Variants in IDH2 observed in about 807,000 individuals in gnomAD.
IDH2 encodes the protein isocitrate dehydrogenase [NADP], mitochondrial.
In IDH2, 18 loss-of-function variants were observed where a neutral mutation model predicts 50.5. The observed-to-expected ratio is 0.36, with a 90% CI of 0.25 to 0.53. The LOEUF is 0.53. Ranked by LOEUF, IDH2 falls within the 20% of genes least tolerant of loss-of-function variation. The pLI, the probability that IDH2 is intolerant of heterozygous loss-of-function variation, is 0.92. For missense variants in IDH2, 518 were observed against 610.7 expected, an observed-to-expected ratio of 0.85 and a Z score of 1.60; for synonymous variants, 280 against 239.8, an observed-to-expected ratio of 1.17 and a Z score of -1.55.
At chr15:90,092,667 C>G (rs966122016) in intron 1 of IDH2, among the ~76,000 whole-genome samples, 1 of 152,090 alleles carries the variant, frequency 6.6e-6, no homozygotes, top group African/African-American at 2.4e-5. Context: ...ACCTCCGCCT[C>G]CCGAGTTCAA....
At chr15:90,094,859 G>A (rs753992488) in intron 1 of IDH2, among the ~76,000 whole-genome samples, 36 of 151,960 alleles carry the variant, frequency 2.4e-4, no homozygotes, top group Non-Finnish European at 4.1e-4. Context: ...CCAAGATCAC[G>A]GCACTGCACT....
chr15:90,084,913 G>GCT lies in IDH2; in HGVS notation c.1179-6_1179-5insAG, dbSNP rs777085298. 6.2e-7 allele frequency: 1 copy of GCT among 1,613,846 alleles called. No homozygotes were observed. ...TTCTCCAGCATCTGGGCAAACCTATGGGGATGGGGCAGAATGAGACCCCAT... is the reference window on the plus strand; with the variant it reads ...TTCTCCAGCATCTGGGCAAACCTATGCTGGGATGGGGCAGAATGAGACCCCAT... On this transcript the variant is annotated splice_polypyrimidine_tract_variant and splice_region_variant and intron_variant, in intron 9 of 10. Coordinates refer to ENST00000330062, the MANE Select transcript of IDH2 (RefSeq NM_002168.4). This position sits in a 1 kb window ranked among gnomAD's most constrained non-coding sequence, Gnocchi z 5.0.
chr15:90,102,329 C>G lies in IDH2; in HGVS notation c.62G>C (p.Trp21Ser), dbSNP rs776341694. 244 of 1,364,290 alleles carry G rather than the reference C, an allele frequency of 1.8e-4. No homozygotes were observed. Among genetic ancestry groups the G allele is most frequent in the Non-Finnish European group, 2.2e-4 (235 of 1,048,936 alleles). 84.5% of individuals were successfully genotyped at this position (1,364,290 alleles called of 1,614,324 possible). A position where few individuals can be genotyped will look rare whatever the true frequency, so the allele number is the denominator to read the frequency against. Residue 21 changes from tryptophan to serine, a missense_variant, in exon 1 of 11, where the codon TGG becomes TCG. Coordinates refer to ENST00000330062, the MANE Select transcript of IDH2 (RefSeq NM_002168.4). ...LCRASGSRPAWAPAALTAPTS... is the reference protein window; with the variant it reads ...LCRASGSRPASAPAALTAPTS... ...GGGGGCTGTCAGGGCCGCCGGCGCC[C>G]AGGCCGGCCGCGAGCCTGAGGCTCT... is the stretch of plus-strand genomic sequence containing the variant.
At position 90,084,340 on chromosome 15, in the gene IDH2, C is replaced by T. The variant is rs1900800432; in HGVS notation, c.1285G>A (p.Glu429Lys). Residue 429 changes from glutamate (E) to lysine (K), a missense_variant, in exon 11 of 11, where the codon GAG (glutamate) becomes AAG (lysine). Physicochemically the swap from Glu to Lys is moderately conservative, Grantham distance 56. This residue lies in a region of IDH2 where 135 missense variants were observed against 167.6 expected (regional missense o/e 0.81). Coordinates refer to ENST00000330062, the MANE Select transcript of IDH2 (RefSeq NM_002168.4). The surrounding 1 kb of genome is among the most constrained non-coding windows in gnomAD (Gnocchi z 5.0). Reference protein sequence around the residue: ...IHGLSNVKLNEHFLNTTDFLD... With the variant: ...IHGLSNVKLNKHFLNTTDFLD... The stretch of plus-strand genomic sequence containing the variant: ...AAGTCCGTGGTGTTCAGGAAGTGCT[C>T]GTTCAGCTTCACACTGCAGAGAGAG... 5 of 1,613,916 alleles carry T rather than the reference C, an allele frequency of 3.1e-6. No homozygotes were observed. The highest frequency in any genetic ancestry group is 1.3e-5 in the African/African-American group (1 of 75,044).
At chr15:90,093,646 T>A (rs1901106990) in intron 1 of IDH2, among the ~76,000 whole-genome samples, 1 of 151,804 alleles carries the variant, frequency 6.6e-6, no homozygotes, top group South Asian at 2.1e-4. Context: ...TGAGACAGAG[T>A]CTTTGGTCTG....
At chr15:90,097,645 A>T (rs1307888025) in intron 1 of IDH2, among the ~76,000 whole-genome samples, 1 of 151,248 alleles carries the variant, frequency 6.6e-6, no homozygotes, top group Non-Finnish European at 1.5e-5. Context: ...GAAAGTAAAA[A>T]GGTGGCTGCC....
intron 1 of IDH2, among the ~76,000 whole-genome samples, chr15:90,101,946 G>A (rs1309244212): frequency 6.6e-6 from 1 of 151,868 alleles, no homozygotes; most frequent in Non-Finnish European, 1.5e-5. Flanking sequence ...GGGCGGGCAG[G>A]CCACCCTTCG....
At chr15:90,096,651 G>C (rs181774403) in intron 1 of IDH2, among the ~76,000 whole-genome samples, 1 of 151,982 alleles carries the variant, frequency 6.6e-6, no homozygotes, top group Non-Finnish European at 1.5e-5. Flanking sequence ...ACGGTGGCTC[G>C]CACCTGTAAT....
intron 1 of IDH2, among the ~76,000 whole-genome samples, chr15:90,097,822 C>T (rs542728209): frequency 5.9e-5 from 9 of 152,054 alleles, no homozygotes; most frequent in African/African-American, 1.2e-4. Context: ...AAGTTTTATA[C>T]GTTTTTTACC....
Position 90,085,228 on chromosome 15 carries a change from G to A in IDH2, c.1080+47C>T. On this transcript the variant is annotated intron_variant, in intron 8 of 10. Coordinates refer to ENST00000330062, the MANE Select transcript of IDH2 (RefSeq NM_002168.4). This position sits in a 1 kb window ranked among gnomAD's most constrained non-coding sequence, Gnocchi z 5.5. ...CAGCCCTCAGCCCAGTGGGCTTTAG[G>A]CCCCTGGGGTAGAGGGGCATTGTGA... is the stretch of plus-strand genomic sequence containing the variant. The A allele has an allele frequency of 6.6e-7, 1 of 1,517,014 alleles. No individual in the cohort carries two copies. Among genetic ancestry groups the A allele is most frequent in the Non-Finnish European group, 9.0e-7 (1 of 1,107,250 alleles). The allele number at this position is 1,517,014 out of a possible 1,614,324, so 94.0% of individuals were successfully genotyped here.
chr15:90,085,126 A>G lies in IDH2; in HGVS notation c.1081-28T>C. ...GGGGACGGGGGTTGCAGGGAGATCA[A>G]GAGCCGAGCCAGCTAGTGAGGAGGC... On this transcript the variant is annotated intron_variant, in intron 8 of 10. Coordinates refer to ENST00000330062, the MANE Select transcript of IDH2 (RefSeq NM_002168.4). This position sits in a 1 kb window ranked among gnomAD's most constrained non-coding sequence, Gnocchi z 5.5. 1 of 1,606,766 alleles carries G rather than the reference A, an allele frequency of 6.2e-7. No individual in the cohort carries two copies. Among genetic ancestry groups the G allele is most frequent in the African/African-American group, 1.3e-5 (1 of 74,892 alleles).
rs763654597 is a variant in IDH2, at chr15:90,102,353, C to A, written c.38G>T (p.Arg13Ile). The A allele has an allele frequency of 1.5e-6, 2 of 1,369,146 alleles. No homozygotes were observed. Among genetic ancestry groups the A allele is most frequent in the Admixed American group, 5.1e-5 (2 of 39,058 alleles). 84.8% of individuals were successfully genotyped at this position (1,369,146 alleles called of 1,614,324 possible). The change falls in exon 1 of 11, where the codon AGA becomes ATA. Residue 13 changes from arginine to isoleucine, a missense_variant. Physicochemically the swap from Arg to Ile is moderately conservative, Grantham distance 97. Transcript: ENST00000330062. The stretch of plus-strand genomic sequence containing the variant: ...CCAGGCCGGCCGCGAGCCTGAGGCT[C>A]TGCAGAGCGAGCGCACGACCCGCAG... ...GYLRVVRSLC[R>I]ASGSRPAWAP...
At chr15:90,090,171 G>A (rs1409575688) in intron 3 of IDH2, among the ~76,000 whole-genome samples, 1 of 152,192 alleles carries the variant, frequency 6.6e-6, no homozygotes, top group African/African-American at 2.4e-5. Context: ...CACTGGCCTG[G>A]GAGATGGAAG....
chr15:90,092,223 C>A (rs1901057509), intron 1 of IDH2, among the ~76,000 whole-genome samples: 1 of 152,162 alleles, frequency 6.6e-6, no homozygotes, highest in Admixed American at 6.5e-5. Context: ...CCAAAACCAT[C>A]CCCGCTGCCC....
At chr15:90,095,336 T>C (rs549466443) in intron 1 of IDH2, among the ~76,000 whole-genome samples, 26 of 152,160 alleles carry the variant, frequency 1.7e-4, no homozygotes, top group Non-Finnish European at 3.4e-4. Flanking sequence ...ATCTACAATA[T>C]TCCTTCACTT....
rs148671440 is a variant in IDH2 at position 90,087,542 on chromosome 15, A to G, written c.712T>C (p.Tyr238His). Residue 238 changes from tyrosine to histidine, a missense_variant, in exon 6 of 11, where the codon TAT (tyrosine) becomes CAT (histidine). By Grantham distance (83) the Tyr-to-His change is moderately conservative. Coordinates refer to ENST00000330062, the MANE Select transcript of IDH2 (RefSeq NM_002168.4). ...AGCGGCCATTTCTTCTGGATGGCAT[A>G]CTGGAAGCAGCTGTGCGCAAAACCT... is the stretch of plus-strand genomic sequence containing the variant. Reference protein sequence around the residue: ...ISGFAHSCFQYAIQKKWPLYM... With the variant: ...ISGFAHSCFQHAIQKKWPLYM... 130 of 1,613,808 alleles carry G rather than the reference A, an allele frequency of 8.1e-5. 1 individual carries two copies. Among genetic ancestry groups the G allele is most frequent in the Non-Finnish European group, 1.1e-4 (126 of 1,180,032 alleles).
chr15:90,088,755 G>A lies in IDH2; in HGVS notation c.374-8C>T, dbSNP rs200054555. ...TCTTCTTCAGCTTGAACTCTGTGAG[G>A]ACAGAGATAATAGTGGTCCCACTGC... On this transcript the variant is annotated splice_region_variant and splice_polypyrimidine_tract_variant and intron_variant, in intron 3 of 10. Transcript: ENST00000330062. The A allele has an allele frequency of 6.2e-7, 1 of 1,613,828 alleles. No homozygotes were observed. Among genetic ancestry groups the A allele is most frequent in the African/African-American group, 1.3e-5 (1 of 74,958 alleles).
Position 90,091,583 on chromosome 15 carries a change from G to C in IDH2, c.177C>G (p.Thr59=), listed in dbSNP as rs139021942. Residue 59 remains threonine (T), a synonymous_variant, in exon 2 of 11, where the codon ACC becomes ACG. Coordinates refer to ENST00000330062, the MANE Select transcript of IDH2 (RefSeq NM_002168.4). ...CCTTGATGAACTGCCAGATAATACGGGTCATCTCATCACCATCCATCTCCA... is the reference window on the plus strand; with the variant it reads ...CCTTGATGAACTGCCAGATAATACGCGTCATCTCATCACCATCCATCTCCA... ...PVVEMDGDEM[T]RIIWQFIKEK... 1 of 1,613,970 alleles carries C rather than the reference G, an allele frequency of 6.2e-7. No homozygotes were observed. The highest frequency in any genetic ancestry group is 1.1e-5 in the South Asian group (1 of 91,082).
rs982333526 is a variant in IDH2, at chr15:90,098,745, T to C, written c.115+3531A>G. The stretch of plus-strand genomic sequence containing the variant: ...TTTTAGTAGAGACCGGGTTTCACCA[T>C]GGTGGCCAGGCAGGTCTCGAACTCC... On this transcript the variant is annotated intron_variant, in intron 1 of 10. Transcript: ENST00000330062. The surrounding 1 kb of genome is among the most constrained non-coding windows in gnomAD (Gnocchi z 5.1). Among the ~76,000 whole-genome samples the C allele has an allele frequency of 8.5e-5, 13 of 152,280 alleles. No individual in the cohort carries two copies. Among genetic ancestry groups the C allele is most frequent in the African/African-American group, 2.6e-4 (11 of 41,560 alleles).
Sources: gnomAD v4.1 joint callset for allele counts (sites outside exome capture counted in the v4.1 genomes callset) on GRCh38, gnomAD v4.1.1 for gene constraint, gnomAD v4.1.1 regional missense constraint, Gnocchi (gnomAD v3.1) non-coding constraint, MANE v1.5 for transcripts, NCBI Gene and HGNC (gene_info 2026-07-23, HGNC 2026-07-21) for gene names.